Variants in PRDM1 observed in about 807,000 individuals in gnomAD.
The protein encoded by PRDM1 is PR/SET domain 1.
In PRDM1, 13 loss-of-function variants were observed where a neutral mutation model predicts 62.8. The ratio of observed to expected loss-of-function variants is 0.21; its 90% CI spans 0.13 to 0.33. The LOEUF (loss-of-function observed/expected upper bound fraction) is 0.33, where lower values mean the gene tolerates loss of function less well. Ranked by LOEUF, PRDM1 falls within the 10% of genes least tolerant of loss-of-function variation. The pLI is 1.00. For synonymous variants in PRDM1, 396 were observed against 417.6 expected (o/e 0.95, Z 0.63); for missense variants, 895 against 1,058.8 (o/e 0.85, Z 2.15).
upstream of PRDM1, chr6:106,045,680 T>C (rs1357126869): frequency 5.3e-5 from 8 of 152,206 alleles, no homozygotes; most frequent in Non-Finnish European, 8.8e-5. Context: ...TAAATCTCTG[T>C]TTGCTTTTCT....
intron 3 of PRDM1, chr6:106,095,999 A>G: frequency 2.8e-6 from 1 of 356,162 alleles, no homozygotes; most frequent in Non-Finnish European, 5.2e-6. Flanking sequence ...ATGAAAGGAA[A>G]CAGTTTGTTG....
intron 1 of PRDM1, among the ~76,000 whole-genome samples, chr6:106,073,797 C>G (rs1773558323): frequency 6.6e-6 from 1 of 152,240 alleles, no homozygotes; most frequent in South Asian, 2.1e-4. Flanking sequence ...CCCACATCCT[C>G]ATCTGCATTC....
chr6:106,018,957 G>A (rs1315798795), intron 1 of PRDM1, among the ~76,000 whole-genome samples: 1 of 152,000 alleles, frequency 6.6e-6, no homozygotes, highest in Non-Finnish European at 1.5e-5. Context: ...TACATTATTT[G>A]ATATAGTGGG....
intron 1 of PRDM1, among the ~76,000 whole-genome samples, chr6:106,023,563 G>T (rs566524082): frequency 1.3e-5 from 2 of 152,268 alleles, no homozygotes; most frequent in African/African-American, 4.8e-5. Context: ...GGCAATGGAG[G>T]TCATTACATT....
rs972499501 is a variant in PRDM1 at position 105,994,266 on chromosome 6, C to T, written c.-67+627C>T. ...GCCTAAAGAGGCCCGGGCTCTCCCC[C>T]GGGGTCGTTGTTGGAAAAGCAAATT... On this transcript the variant is annotated intron_variant, in intron 1 of 6. Coordinates refer to the PRDM1 transcript ENST00000652320. The surrounding 1 kb of genome is among the most constrained non-coding windows in gnomAD (Gnocchi z 4.1). Among the ~76,000 whole-genome samples, 3 of 152,082 alleles carry T rather than the reference C, an allele frequency of 2.0e-5. No individual in the cohort carries two copies. The highest frequency in any genetic ancestry group is 1.3e-4 in the Admixed American group (2 of 15,280).
intron 1 of PRDM1, among the ~76,000 whole-genome samples, chr6:106,025,921 A>C (rs1772757772): frequency 6.6e-6 from 1 of 152,188 alleles, no homozygotes; most frequent in African/African-American, 2.4e-5. Context: ...AACAGACCTC[A>C]TGCATTTCTG....
intron 1 of PRDM1, among the ~76,000 whole-genome samples, chr6:106,005,601 G>T (rs1488654809): frequency 6.6e-6 from 1 of 152,160 alleles, no homozygotes. Flanking sequence ...GGTTTATAAA[G>T]CTTGACTATG....
At position 106,107,250 on chromosome 6, in the gene PRDM1, G is replaced by C; in HGVS notation, c.2242G>C (p.Asp748His). The C allele has an allele frequency of 6.2e-7, 1 of 1,614,222 alleles. No homozygotes were observed. Among genetic ancestry groups the C allele is most frequent in the Non-Finnish European group, 8.5e-7 (1 of 1,180,040 alleles). Residue 748 changes from aspartate (D) to histidine (H), a missense_variant, in exon 7 of 7, where the codon GAC (aspartate) becomes CAC (histidine). Around this residue, in one of 4 missense-constraint regions of PRDM1, gnomAD observed 164 missense variants for 179.9 expected, o/e 0.91. Transcript: ENST00000369096. ...NADRLEDVEDDISVISVVEKE... is the reference protein window; with the variant it reads ...NADRLEDVEDHISVISVVEKE... Reference sequence around the variant, plus strand: ...TGACCGGCTCGAGGACGTGGAGGATGACATCAGTGTGATCTCTGTAGTGGA... The same window carrying C: ...TGACCGGCTCGAGGACGTGGAGGATCACATCAGTGTGATCTCTGTAGTGGA...
intron 1 of PRDM1, among the ~76,000 whole-genome samples, chr6:106,003,819 G>A (rs1772454628): frequency 6.6e-6 from 1 of 152,160 alleles, no homozygotes; most frequent in Non-Finnish European, 1.5e-5. Context: ...ACTTATTTTT[G>A]GACATGAGTG....
chr6:106,015,501 A>G (rs1772607840), intron 1 of PRDM1, among the ~76,000 whole-genome samples: 2 of 152,134 alleles, frequency 1.3e-5, no homozygotes, highest in Non-Finnish European at 2.9e-5. Flanking sequence ...TGAGAAAGAG[A>G]AAAAGAGATT....
At chr6:106,000,382 A>T (rs1772413261) in intron 1 of PRDM1, among the ~76,000 whole-genome samples, 1 of 152,184 alleles carries the variant, frequency 6.6e-6, no homozygotes. Context: ...CAGAGGTTCA[A>T]GGCTGCTGTG....
At chr6:106,084,249 T>C (rs1264860258), upstream of PRDM1, among the ~76,000 whole-genome samples, 2 of 152,206 alleles carry the variant, frequency 1.3e-5, no homozygotes, top group Non-Finnish European at 2.9e-5. Context: ...CTTAAAGTTC[T>C]ACCCGTGGCC....
chr6:106,061,451 A>G (rs960363795), intron 1 of PRDM1, among the ~76,000 whole-genome samples: 3 of 152,228 alleles, frequency 2.0e-5, no homozygotes, highest in African/African-American at 7.2e-5. Flanking sequence ...CTAAAGAGTT[A>G]CATGCCTGCC....
At chr6:106,082,954 T>A (rs1409029566), upstream of PRDM1, among the ~76,000 whole-genome samples, 2 of 152,132 alleles carry the variant, frequency 1.3e-5, no homozygotes, top group Non-Finnish European at 2.9e-5. Context: ...ATATTCTCTC[T>A]CACTCATACA....
chr6:106,004,488 C>G (rs1271751736), intron 1 of PRDM1, among the ~76,000 whole-genome samples: 1 of 152,170 alleles, frequency 6.6e-6, no homozygotes, highest in Non-Finnish European at 1.5e-5. Flanking sequence ...CTTCTTGACC[C>G]TTTGCAAATA....
intron 1 of PRDM1, among the ~76,000 whole-genome samples, chr6:105,995,707 G>T (rs4946714): frequency 0.91 from 138,713 of 152,254 alleles, 63,290 homozygotes; most frequent in African/African-American, 0.95. Context: ...GTATTACATT[G>T]TCCTTTGAAT....
At chr6:105,996,566 G>T (rs557374185) in intron 1 of PRDM1, among the ~76,000 whole-genome samples, 2 of 152,250 alleles carry the variant, frequency 1.3e-5, no homozygotes, top group South Asian at 4.1e-4. Context: ...CTCCTCTGCT[G>T]CCAAAACATC....
chr6:106,031,493 T>C (rs1192725076), intron 1 of PRDM1, among the ~76,000 whole-genome samples: 2 of 152,164 alleles, frequency 1.3e-5, no homozygotes, highest in East Asian at 3.9e-4. Flanking sequence ...CTTTGGGTGG[T>C]AGAAAGTTGA....
intron 1 of PRDM1, among the ~76,000 whole-genome samples, chr6:106,063,849 A>G (rs1423935785): frequency 1.3e-5 from 2 of 152,330 alleles, no homozygotes; most frequent in African/African-American, 4.8e-5. Flanking sequence ...TCATTGTGTC[A>G]GTGTGGCTTG....
Sources: allele counts gnomAD v4.1 joint callset (sites outside exome capture counted in the v4.1 genomes callset), GRCh38; gene constraint gnomAD v4.1.1; regional missense constraint gnomAD v4.1.1; non-coding constraint Gnocchi (gnomAD v3.1); transcripts MANE v1.5; gene names NCBI Gene and HGNC (gene_info 2026-07-23, HGNC 2026-07-21).